KCNN2: variants seen among roughly 807,000 people sequenced by gnomAD.
The protein encoded by KCNN2 is small conductance calcium-activated potassium channel protein 2.
A neutral mutation model predicts 55.5 loss-of-function variants in KCNN2; 24 were observed. The ratio of observed to expected loss-of-function variants is 0.43; its 90% CI spans 0.31 to 0.61. The LOEUF is 0.61. Ranked by LOEUF, KCNN2 falls within the 20% of genes least tolerant of loss-of-function variation. KCNN2 has a pLI of 0.08. For missense variants in KCNN2, 754 were observed against 853.6 expected, an observed-to-expected ratio of 0.88 and a Z score of 1.45; for synonymous variants, 431 against 336.1, an observed-to-expected ratio of 1.28 and a Z score of -3.09.
chr5:114,440,158 A>G (rs1049972430), intron 3 of KCNN2, among the ~76,000 whole-genome samples: 2 of 152,172 alleles, frequency 1.3e-5, no homozygotes, highest in Non-Finnish European at 2.9e-5. Flanking sequence ...AGAAACCTAC[A>G]TGTAGACACA....
chr5:114,431,398 T>C (rs1034154914), intron 3 of KCNN2, among the ~76,000 whole-genome samples: 3 of 152,116 alleles, frequency 2.0e-5, no homozygotes, highest in African/African-American at 7.2e-5. Context: ...AATATTACTT[T>C]GCTATCCTTT....
chr5:114,243,029 G>A (rs528088593), intron 2 of KCNN2, among the ~76,000 whole-genome samples: 1 of 152,122 alleles, frequency 6.6e-6, no homozygotes, highest in African/African-American at 2.4e-5. Context: ...CTCTGCCATT[G>A]TGGAACTTAT....
chr5:114,346,204 C>T (rs1408809280), intron 2 of KCNN2, among the ~76,000 whole-genome samples: 1 of 152,154 alleles, frequency 6.6e-6, no homozygotes, highest in Admixed American at 6.5e-5. Flanking sequence ...AACACTCACT[C>T]ACTATTGTGA....
chr5:114,133,555 T>C (rs1033711517), intron 1 of KCNN2, among the ~76,000 whole-genome samples: 1 of 152,124 alleles, frequency 6.6e-6, no homozygotes, highest in African/African-American at 2.4e-5. Flanking sequence ...GTTGGTCACT[T>C]CTCTGGGAGC....
At chr5:114,114,207 T>C (rs1751665575) in intron 1 of KCNN2, among the ~76,000 whole-genome samples, 1 of 152,078 alleles carries the variant, frequency 6.6e-6, no homozygotes, top group African/African-American at 2.4e-5. Flanking sequence ...CTTCCTGGAC[T>C]GCACTGGTGG....
At position 114,061,957 on chromosome 5, in the gene KCNN2, T is replaced by C. The variant is rs909501047; in HGVS notation, c.-271+5457T>C. 5.9e-5 allele frequency among the ~76,000 whole-genome samples: 9 copies of C among 152,200 alleles called. No homozygotes were observed. In the East Asian group the frequency reaches 1.7e-3, roughly 29 times the overall value. ...AAATACAGGAATCACTTTATCCTCC[T>C]TAAAAACTGAATGACTTATTTACAT... On this transcript the variant is annotated intron_variant, in intron 1 of 10. Coordinates refer to the KCNN2 transcript ENST00000512097.
At chr5:114,385,579 G>A (rs1758256995) in intron 2 of KCNN2, among the ~76,000 whole-genome samples, 1 of 149,566 alleles carries the variant, frequency 6.7e-6, no homozygotes, top group Non-Finnish European at 1.5e-5. Flanking sequence ...ATGTTGATTT[G>A]TTTGGAGAGC....
chr5:114,410,208 C>A (rs1004675178), intron 3 of KCNN2, among the ~76,000 whole-genome samples: 2 of 152,132 alleles, frequency 1.3e-5, no homozygotes, highest in Non-Finnish European at 1.5e-5. Flanking sequence ...AGCTTGGGGT[C>A]CTGAAGATTG....
intron 1 of KCNN2, among the ~76,000 whole-genome samples, chr5:114,079,504 T>C (rs1750755683): frequency 6.6e-6 from 1 of 152,322 alleles, no homozygotes; most frequent in Admixed American, 6.5e-5. Context: ...TTCTCCTTTC[T>C]AGCTCTATGA....
chr5:114,121,042 G>A (rs550552256), intron 1 of KCNN2, among the ~76,000 whole-genome samples: 53 of 152,310 alleles, frequency 3.5e-4, no homozygotes, highest in African/African-American at 1.2e-3. Flanking sequence ...ATTCCCCTAT[G>A]ATGTCTGGAA....
At chr5:114,241,595 A>G (rs1754621242) in intron 2 of KCNN2, among the ~76,000 whole-genome samples, 1 of 151,070 alleles carries the variant, frequency 6.6e-6, no homozygotes, top group African/African-American at 2.4e-5. Context: ...TGTGGAAAAG[A>G]AAAAGCTAAG....
chr5:114,410,201 T>C (rs1318450891), intron 3 of KCNN2, among the ~76,000 whole-genome samples: 1 of 152,188 alleles, frequency 6.6e-6, no homozygotes, highest in African/African-American at 2.4e-5. Context: ...AACTCAGAGC[T>C]TGGGGTCCTG....
chr5:114,131,819 A>T (rs1328089417), intron 1 of KCNN2, among the ~76,000 whole-genome samples: 1 of 152,180 alleles, frequency 6.6e-6, no homozygotes, highest in African/African-American at 2.4e-5. Flanking sequence ...AATAATCACT[A>T]TCTGACTGGC....
chr5:114,293,283 A>C (rs1273474896), intron 2 of KCNN2, among the ~76,000 whole-genome samples: 1 of 152,114 alleles, frequency 6.6e-6, no homozygotes, highest in African/African-American at 2.4e-5. Flanking sequence ...TTTCAAAGGG[A>C]ATGCTTCCAG....
intron 1 of KCNN2, among the ~76,000 whole-genome samples, chr5:114,134,221 T>A (rs1235094390): frequency 3.3e-5 from 5 of 151,458 alleles, no homozygotes; most frequent in Non-Finnish European, 4.4e-5. Context: ...AAGGATTTTT[T>A]AAATTACCAT....
chr5:114,058,019 CAT>C (rs1445318938), intron 1 of KCNN2, among the ~76,000 whole-genome samples: 20 of 152,240 alleles, frequency 1.3e-4, no homozygotes, highest in Middle Eastern at 3.4e-3. Flanking sequence ...AACATTTGAA[CAT>C]GTGTGAACCA....
At chr5:114,172,714 T>C (rs1169752201) in intron 1 of KCNN2, among the ~76,000 whole-genome samples, 4 of 151,360 alleles carry the variant, frequency 2.6e-5, no homozygotes, top group Non-Finnish European at 5.9e-5. Context: ...CCTTTTCATA[T>C]GCCTGTTTGA....
intron 1 of KCNN2, among the ~76,000 whole-genome samples, chr5:114,193,239 T>C (rs934111875): frequency 7.9e-5 from 12 of 152,124 alleles, no homozygotes; most frequent in Admixed American, 6.6e-4. Context: ...CAGCTCAGCG[T>C]CTGGCCTTTT....
At chr5:114,284,861 G>T (rs1381964029) in intron 2 of KCNN2, among the ~76,000 whole-genome samples, 1 of 151,910 alleles carries the variant, frequency 6.6e-6, no homozygotes. Context: ...CCACTGTACG[G>T]GTGAAATCTT....
Sources: gnomAD v4.1 joint callset for allele counts (sites outside exome capture counted in the v4.1 genomes callset) on GRCh38, gnomAD v4.1.1 for gene constraint, MANE v1.5 for transcripts, NCBI Gene and HGNC (gene_info 2026-07-23, HGNC 2026-07-21) for gene names.